Variants in GRIK2 observed in about 807,000 individuals in gnomAD.
The protein encoded by GRIK2 is glutamate ionotropic receptor kainate type subunit 2, also known as glutamate receptor ionotropic, kainate 2.
Under a neutral mutation model 100.3 loss-of-function variants are expected in GRIK2, and 32 were observed. The ratio of observed to expected loss-of-function variants is 0.32; its 90% confidence interval spans 0.24 to 0.43. The LOEUF (loss-of-function observed/expected upper bound fraction) is 0.43. Ranked by LOEUF, GRIK2 falls within the 20% of genes least tolerant of loss-of-function variation. The pLI is 1.00. For synonymous variants in GRIK2, 417 were observed against 389.4 expected (o/e 1.07, Z -0.83); for missense variants, 843 against 1,114.9 (o/e 0.76, Z 3.47).
At chr6:101,923,294 AAG>A (rs1247945462) in intron 12 of GRIK2, among the ~76,000 whole-genome samples, 1 of 152,154 alleles carries the variant, frequency 6.6e-6, no homozygotes, top group East Asian at 1.9e-4. Flanking sequence ...TGGTTTATAA[AAG>A]AGTGGCTTTA....
At chr6:101,909,040 T>C (rs1253194063) in intron 12 of GRIK2, among the ~76,000 whole-genome samples, 2 of 151,184 alleles carry the variant, frequency 1.3e-5, no homozygotes, top group East Asian at 3.9e-4. Context: ...TTTTAAACAG[T>C]GTTTGAAATT....
intron 2 of GRIK2, among the ~76,000 whole-genome samples, chr6:101,618,921 T>TTAA (rs1275260861): frequency 6.6e-6 from 1 of 150,846 alleles, no homozygotes; most frequent in Non-Finnish European, 1.5e-5. Context: ...ATTTTTATCT[T>TTAA]AATAAAGTCT....
chr6:101,999,189 T>C (rs1582693759), intron 14 of GRIK2, among the ~76,000 whole-genome samples: 1 of 152,124 alleles, frequency 6.6e-6, no homozygotes, highest in East Asian at 1.9e-4. Flanking sequence ...TTCAACTTTT[T>C]TTCTTTTTCA....
intron 10 of GRIK2, among the ~76,000 whole-genome samples, chr6:101,839,046 T>TTTTG (rs906529969): frequency 1.2e-4 from 19 of 152,106 alleles, no homozygotes; most frequent in South Asian, 4.1e-4. Flanking sequence ...CCTGCACCAG[T>TTTTG]TTTGTTTGTT....
intron 2 of GRIK2, among the ~76,000 whole-genome samples, chr6:101,521,394 A>G (rs1582633887): frequency 6.6e-6 from 1 of 151,994 alleles, no homozygotes; most frequent in African/African-American, 2.4e-5. Flanking sequence ...TATGTTTCAA[A>G]AAGTATTATT....
At chr6:101,419,950 G>A (rs564250886) in intron 2 of GRIK2, among the ~76,000 whole-genome samples, 6 of 152,198 alleles carry the variant, frequency 3.9e-5, no homozygotes, top group South Asian at 2.1e-4. Flanking sequence ...TCCTAATTCC[G>A]GTTCACTTCA....
At chr6:101,581,219 C>T (rs1778073043) in intron 2 of GRIK2, among the ~76,000 whole-genome samples, 1 of 128,200 alleles carries the variant, frequency 7.8e-6, no homozygotes, top group African/African-American at 3.6e-5. Context: ...TATATACATT[C>T]ACACACACTC....
At chr6:101,732,806 A>G (rs1373762426) in intron 7 of GRIK2, among the ~76,000 whole-genome samples, 1 of 151,908 alleles carries the variant, frequency 6.6e-6, no homozygotes, top group Non-Finnish European at 1.5e-5. Context: ...GATCTGCCCT[A>G]TGCAGACTCA....
intron 11 of GRIK2, among the ~76,000 whole-genome samples, chr6:101,861,335 A>G (rs1423476677): frequency 6.6e-6 from 1 of 152,164 alleles, no homozygotes; most frequent in Non-Finnish European, 1.5e-5. Context: ...TTTAGATGGT[A>G]TTACAATGAG....
chr6:101,967,946 A>G (rs1053957648), intron 14 of GRIK2, among the ~76,000 whole-genome samples: 3 of 151,746 alleles, frequency 2.0e-5, no homozygotes, highest in African/African-American at 7.3e-5. Context: ...CACCATATAA[A>G]CAGTAGGAGA....
chr6:101,866,510 C>T (rs116548264), intron 11 of GRIK2, among the ~76,000 whole-genome samples: 3,821 of 151,952 alleles, frequency 0.025, 174 homozygotes, highest in African/African-American at 0.086. Context: ...CAACCTCATC[C>T]GAAAAACAAA....
intron 2 of GRIK2, among the ~76,000 whole-genome samples, chr6:101,505,776 G>GAAAAAAAAAAAAA (rs35632931): frequency 8.8e-6 from 1 of 113,316 alleles, no homozygotes. Flanking sequence ...GAAGAAATTA[G>GAAAAAAAAAAAAA]AAAAAAAAAA....
chr6:101,926,531 A>G (rs994058696), intron 13 of GRIK2, among the ~76,000 whole-genome samples: 3 of 152,182 alleles, frequency 2.0e-5, no homozygotes, highest in Non-Finnish European at 4.4e-5. Context: ...TTGTATGCTC[A>G]TAGGACAAAC....
intron 4 of GRIK2, among the ~76,000 whole-genome samples, chr6:101,641,265 GC>G (rs1371869038): frequency 6.6e-6 from 1 of 151,894 alleles, no homozygotes; most frequent in Non-Finnish European, 1.5e-5. Context: ...AATTACATGT[GC>G]AATGATTCTG....
intron 7 of GRIK2, among the ~76,000 whole-genome samples, chr6:101,740,393 T>C (rs1358710975): frequency 6.6e-6 from 1 of 152,086 alleles, no homozygotes; most frequent in Non-Finnish European, 1.5e-5. Context: ...AAATGTTCAT[T>C]ATTATTTATA....
chr6:101,396,260 G>C (rs897052308), intron 1 of GRIK2, among the ~76,000 whole-genome samples: 7 of 147,322 alleles, frequency 4.8e-5, no homozygotes, highest in African/African-American at 1.8e-4. Context: ...CCCCCAGGAA[G>C]TGAGTGAGTT....
At chr6:101,595,576 A>G (rs945671384) in intron 2 of GRIK2, among the ~76,000 whole-genome samples, 11 of 151,452 alleles carry the variant, frequency 7.3e-5, no homozygotes, top group African/African-American at 2.7e-4. Flanking sequence ...TAGGGATTTT[A>G]TATGTGTATA....
At chr6:101,722,174 CT>C (rs1388000680) in intron 7 of GRIK2, among the ~76,000 whole-genome samples, 1 of 151,888 alleles carries the variant, frequency 6.6e-6, no homozygotes, top group East Asian at 1.9e-4. Flanking sequence ...CAATATTCTT[CT>C]TTTCAAGAGA....
intron 14 of GRIK2, among the ~76,000 whole-genome samples, chr6:102,028,959 T>C (rs565003653): frequency 2.0e-5 from 3 of 151,360 alleles, no homozygotes; most frequent in Non-Finnish European, 4.4e-5. Flanking sequence ...GTTACCTCAA[T>C]TATTTGCTAA....
Sources: allele counts gnomAD v4.1 joint callset (sites outside exome capture counted in the v4.1 genomes callset), GRCh38; gene constraint gnomAD v4.1.1; transcripts MANE v1.5; gene names NCBI Gene and HGNC (gene_info 2026-07-23, HGNC 2026-07-21).